Variants in FNDC1 observed in about 807,000 individuals in gnomAD.
The protein encoded by FNDC1 is fibronectin type III domain containing 1, also known as fibronectin type III domain-containing protein 1.
Under a neutral mutation model 168.0 loss-of-function variants are expected in FNDC1, and 96 were observed. The ratio of observed to expected loss-of-function variants is 0.57; its 90% CI spans 0.48 to 0.68. The LOEUF (loss-of-function observed/expected upper bound fraction) is 0.68. Ranked by LOEUF, FNDC1 falls within the 30% of genes least tolerant of loss-of-function variation. FNDC1 has a pLI of 0.00. For synonymous variants in FNDC1, 1,099 were observed against 1,025.9 expected, an observed-to-expected ratio of 1.07 and a Z score of -1.36; for missense variants, 2,587 against 2,482.1, an observed-to-expected ratio of 1.04 and a Z score of -0.90.
Position 159,232,675 on chromosome 6 carries a change from A to C in FNDC1, c.2163A>C (p.Pro721=), listed in dbSNP as rs1783123560. The C allele has an allele frequency of 6.2e-7, 1 of 1,612,722 alleles. No homozygotes were observed. Among genetic ancestry groups the C allele is most frequent in the African/African-American group, 1.3e-5 (1 of 74,580 alleles). Residue 721 remains proline, a synonymous_variant, in exon 11 of 23, where the codon CCA becomes CCC. Coordinates refer to ENST00000297267, the MANE Select transcript of FNDC1 (RefSeq NM_032532.3). This position sits in a 1 kb window ranked among gnomAD's most constrained non-coding sequence, Gnocchi z 4.9. Reference sequence around the variant, plus strand: ...CAGCCCCACCCTCAAGACTTTCTCCACCCCATGGGGGATCATCTCGGCTGC... The same window carrying C: ...CAGCCCCACCCTCAAGACTTTCTCCCCCCCATGGGGGATCATCTCGGCTGC... ...SASAPPSRLS[P]PHGGSSRLLP...
intron 4 of FNDC1, among the ~76,000 whole-genome samples, chr6:159,202,801 CTT>C (rs1782406949): frequency 6.6e-6 from 1 of 152,302 alleles, no homozygotes; most frequent in Middle Eastern, 3.4e-3. Context: ...CTCAATGAAA[CTT>C]ATATTCCAAT....
rs502351 is a variant in FNDC1, at chr6:159,268,423, C to T, written c.5569+497C>T. On this transcript the variant is annotated intron_variant, in intron 22 of 22. Coordinates refer to ENST00000297267, the MANE Select transcript of FNDC1 (RefSeq NM_032532.3). Reference sequence around the variant, plus strand: ...TTCTGATTTGCTAAATTTTTAGATTCGAAAAAATGCTGTAGGTAGCTACAT... The same window carrying T: ...TTCTGATTTGCTAAATTTTTAGATTTGAAAAAATGCTGTAGGTAGCTACAT... 3.0e-3 allele frequency among the ~76,000 whole-genome samples: 449 copies of T among 151,924 alleles called. 1 individual carries two copies. The highest frequency in any genetic ancestry group is 0.01 in the African/African-American group (424 of 41,346).
intron 1 of FNDC1, among the ~76,000 whole-genome samples, chr6:159,184,348 AT>A (rs911117636): frequency 4.6e-5 from 7 of 152,196 alleles, no homozygotes; most frequent in African/African-American, 1.2e-4. Flanking sequence ...TTCCTTAAAT[AT>A]TTTTTTCTAT....
chr6:159,269,276 CT>C lies in FNDC1; in HGVS notation c.5569+1351del, dbSNP rs1440889998. Among the ~76,000 whole-genome samples the C allele has an allele frequency of 8.9e-5, 8 of 90,132 alleles. 1 individual carries two copies. The highest frequency in any genetic ancestry group is 1.8e-4 in the Non-Finnish European group (6 of 33,518). 59.1% of individuals were successfully genotyped at this position (90,132 alleles called of 152,430 possible). A position where few individuals can be genotyped will look rare whatever the true frequency, so the allele number is the denominator to read the frequency against. ...ATCTATCATCTATCTATCTATCTATCTATCTATCTATCTATCCATCCATCCA... is the reference window on the plus strand; with the variant it reads ...ATCTATCATCTATCTATCTATCTATCATCTATCTATCTATCCATCCATCCA... On this transcript the variant is annotated intron_variant, in intron 22 of 22. Transcript: ENST00000297267.
Position 159,251,525 on chromosome 6 carries a change from G to A in FNDC1, c.5058G>A (p.Val1686=). ...VDWDKATPGD[V]VTGYLVYSAS... is the part of the protein sequence containing the mutation. Reference sequence around the variant, plus strand: ...GGGACAAAGCCACCCCAGGAGATGTGGTCACAGGTGTGTCCTAAGCAGAAA... The same window carrying A: ...GGGACAAAGCCACCCCAGGAGATGTAGTCACAGGTGTGTCCTAAGCAGAAA... Residue 1686 remains valine (V), a synonymous_variant, in exon 17 of 23, where the codon GTG becomes GTA. Transcript: ENST00000297267. 1.2e-6 allele frequency: 2 copies of A among 1,612,928 alleles called. No individual in the cohort carries two copies. The highest frequency in any genetic ancestry group is 1.7e-6 in the Non-Finnish European group (2 of 1,179,416).
intron 16 of FNDC1, 123 bp from the exon 17 acceptor site, chr6:159,251,179 A>C (rs2115015008): frequency 1.4e-6 from 1 of 690,486 alleles, no homozygotes; most frequent in African/African-American, 1.8e-5. Context: ...ATCAAGGCTG[A>C]TGGAGCCTCC....
intron 16 of FNDC1, among the ~76,000 whole-genome samples, chr6:159,250,444 T>A (rs1777229143): frequency 1.3e-5 from 2 of 152,228 alleles, no homozygotes; most frequent in South Asian, 4.1e-4. Flanking sequence ...TACAGTGGAA[T>A]CTTCAGAAAT....
chr6:159,218,132 C>A (rs1276052962), intron 5 of FNDC1, among the ~76,000 whole-genome samples: 1 of 152,204 alleles, frequency 6.6e-6, no homozygotes, highest in Non-Finnish European at 1.5e-5. Flanking sequence ...ACGGCACACA[C>A]TAAAGTGGCA....
In FNDC1 at chr6:159,239,851, C is replaced by G. The variant is rs1267218663; in HGVS notation, c.4515C>G (p.Pro1505=). 1 of 1,550,106 alleles carries G rather than the reference C, an allele frequency of 6.5e-7. No homozygotes were observed. The highest frequency in any genetic ancestry group is 8.7e-7 in the Non-Finnish European group (1 of 1,146,040). The part of the protein sequence containing the change: ...TRTTTTTTPT[P]TTPIPTCPPG... ...CAACCACCACCACCACCCCCACACC[C>G]ACCACTCCCATCCCCACCTGTCCCC... Residue 1505 remains proline, a synonymous_variant, in exon 14 of 23, where the codon CCC becomes CCG. Coordinates refer to ENST00000297267, the MANE Select transcript of FNDC1 (RefSeq NM_032532.3).
Position 159,233,192 on chromosome 6 carries a change from G to A in FNDC1, c.2680G>A (p.Val894Met), listed in dbSNP as rs577258637. 2 of 1,612,032 alleles carry A rather than the reference G, an allele frequency of 1.2e-6. No homozygotes were observed. The highest frequency in any genetic ancestry group is 1.3e-5 in the African/African-American group (1 of 74,978). ...TCCTGCCACCGTTGTCAATGACCAC[G>A]TGCCTTCCTCCTCCAGGCAGCCCAT... ...PLPATVVNDH[V>M]PSSSRQPISR... The change falls in exon 11 of 23, where the codon GTG becomes ATG. Residue 894 changes from valine (V) to methionine (M), a missense_variant. Physicochemically the swap from Val to Met is conservative, Grantham distance 21 (BLOSUM62 1). Coordinates refer to ENST00000297267, the MANE Select transcript of FNDC1 (RefSeq NM_032532.3). This position sits in a 1 kb window ranked among gnomAD's most constrained non-coding sequence, Gnocchi z 4.6.
chr6:159,268,379 A>G (rs957220842), intron 22 of FNDC1, among the ~76,000 whole-genome samples: 5 of 152,198 alleles, frequency 3.3e-5, no homozygotes, highest in Admixed American at 3.3e-4. Context: ...GTGATCAGGT[A>G]TTTTCCAGAC....
intron 1 of FNDC1, among the ~76,000 whole-genome samples, chr6:159,177,817 G>A (rs980491040): frequency 6.6e-6 from 1 of 152,206 alleles, no homozygotes; most frequent in Non-Finnish European, 1.5e-5. Flanking sequence ...CTTTAGTGGA[G>A]TGTCGTGGGG....
intron 13 of FNDC1, 24 bp downstream of exon 13, chr6:159,238,689 A>ACC: frequency 6.9e-7 from 1 of 1,442,078 alleles, no homozygotes; most frequent in Non-Finnish European, 9.6e-7. Context: ...GTTTTTAAAG[A>ACC]ATAAAAGCCT....
rs376833270 is a variant in FNDC1 at position 159,223,636 on chromosome 6, T to C, written c.875T>C (p.Val292Ala). The C allele has an allele frequency of 3.1e-5, 50 of 1,607,804 alleles. No individual in the cohort carries two copies. Among genetic ancestry groups the C allele is most frequent in the Non-Finnish European group, 4.1e-5 (48 of 1,175,098 alleles). The change falls in exon 7 of 23, where the codon GTT (valine) becomes GCT (alanine). Residue 292 changes from valine (V) to alanine (A), a missense_variant. Coordinates refer to ENST00000297267, the MANE Select transcript of FNDC1 (RefSeq NM_032532.3). ...GTTCTGGAAAAACAGAAGAAAGTTG[T>C]TGCATCAAGGTACTTTTGCTTATTT... Reference protein sequence around the residue: ...DPVLEKQKKVVASRQYTVRYR... With the variant: ...DPVLEKQKKVAASRQYTVRYR...
intron 1 of FNDC1, 148 bp from the exon 2 acceptor site, chr6:159,197,283 G>C: frequency 1.4e-6 from 1 of 731,204 alleles, no homozygotes; most frequent in Non-Finnish European, 2.2e-6. Flanking sequence ...CTGTAATGCT[G>C]TGCAAATACA....
chr6:159,256,432 G>C, intron 17 of FNDC1, 91 bp from the exon 18 acceptor site: 1 of 902,316 alleles, frequency 1.1e-6, no homozygotes, highest in Non-Finnish European at 1.8e-6. Context: ...TGCATCTGCA[G>C]CTTTGCCTCA....
intron 5 of FNDC1, chr6:159,218,673 G>A (rs1460758473): frequency 1.3e-5 from 2 of 152,252 alleles, no homozygotes; most frequent in African/African-American, 4.8e-5. Flanking sequence ...GCCACTCTCC[G>A]AGCCACTCTC....
chr6:159,240,144 G>A (rs184252189), intron 14 of FNDC1, among the ~76,000 whole-genome samples, 187 bp downstream of exon 14: 184 of 150,542 alleles, frequency 1.2e-3, no homozygotes, highest in South Asian at 9.2e-3. Context: ...GGAAGACTTA[G>A]CAAATAAAAA....
At position 159,199,868 on chromosome 6, in the gene FNDC1, C is replaced by T. The variant is rs74986986; in HGVS notation, c.305-128C>T. 653 of 708,686 alleles carry T rather than the reference C, an allele frequency of 9.2e-4. 4 individuals carry two copies. In the African/African-American group the frequency reaches 0.01, roughly 11 times the overall value. The allele number at this position is 708,686 out of a possible 1,614,324, so 43.9% of individuals were successfully genotyped here. A position where few individuals can be genotyped will look rare whatever the true frequency, so the allele number is the denominator to read the frequency against. ...GAGAGACATCTATCATTATGCTTGT[C>T]ACTGAATTTGGATTTTTGTATTTGG... On this transcript the variant is annotated intron_variant, in intron 2 of 22. Transcript: ENST00000297267.
Sources: gnomAD v4.1 joint callset for allele counts (sites outside exome capture counted in the v4.1 genomes callset) on GRCh38, gnomAD v4.1.1 for gene constraint, Gnocchi (gnomAD v3.1) non-coding constraint, MANE v1.5 for transcripts, NCBI Gene and HGNC (gene_info 2026-07-23, HGNC 2026-07-21) for gene names.